ELP4: variants seen among roughly 807,000 people sequenced by gnomAD.
ELP4 encodes elongator complex protein 4.
In ELP4, 51 loss-of-function variants were observed where a neutral mutation model predicts 48.9. The ratio of observed to expected loss-of-function variants is 1.04; its 90% CI spans 0.83 to 1.32. The LOEUF (loss-of-function observed/expected upper bound fraction) is 1.32. Among genes scored for constraint, ELP4 ranks in the 40% most tolerant of loss-of-function variants. ELP4 has a pLI of 0.00. For missense variants in ELP4, 519 were observed against 514.6 expected, an observed-to-expected ratio of 1.01 and a Z score of -0.08; for synonymous variants, 210 against 189.2, an observed-to-expected ratio of 1.11 and a Z score of -0.90.
rs180826374 is a variant in ELP4, at chr11:31,716,006, G to T, written c.1143+65785G>T. On this transcript the variant is annotated intron_variant, in intron 9 of 9. Transcript: ENST00000640961. ...ATGTTAGAGATATGTATTAGTACAA[G>T]GAGGTTTGTTTGTTTGTTTGTTTTT... Among the ~76,000 whole-genome samples the T allele has an allele frequency of 2.5e-3, 385 of 152,200 alleles. 1 individual carries two copies. The highest frequency in any genetic ancestry group is 8.6e-3 in the African/African-American group (359 of 41,538).
chr11:31,712,711 G>T (rs1324618107), intron 9 of ELP4, among the ~76,000 whole-genome samples: 1 of 152,036 alleles, frequency 6.6e-6, no homozygotes, highest in Non-Finnish European at 1.5e-5. Flanking sequence ...AGCACTGGAT[G>T]CTGTCTATTT....
chr11:31,605,662 T>C (rs988516240), intron 5 of ELP4, among the ~76,000 whole-genome samples: 2 of 152,150 alleles, frequency 1.3e-5, no homozygotes, highest in Admixed American at 6.6e-5. Flanking sequence ...CAATACTTTT[T>C]TTTACACCAG....
intron 5 of ELP4, among the ~76,000 whole-genome samples, chr11:31,623,528 A>G (rs1944671555): frequency 6.7e-6 from 1 of 149,822 alleles, no homozygotes; most frequent in Non-Finnish European, 1.5e-5. Context: ...AATTGATAAT[A>G]CCTAAATGTA....
At chr11:31,519,137 ACTAGT>A (rs1357183769) in intron 1 of ELP4, among the ~76,000 whole-genome samples, 1 of 152,108 alleles carries the variant, frequency 6.6e-6, no homozygotes, top group Non-Finnish European at 1.5e-5. Flanking sequence ...TTAAAAGAAC[ACTAGT>A]CTAGTAATAC....
At chr11:31,702,945 A>G (rs1946556467) in intron 9 of ELP4, among the ~76,000 whole-genome samples, 4 of 152,208 alleles carry the variant, frequency 2.6e-5, no homozygotes, top group Admixed American at 2.6e-4. Context: ...AGCACTTAGA[A>G]CAGTTAAATT....
intron 9 of ELP4, among the ~76,000 whole-genome samples, chr11:31,692,250 T>TA (rs1280942950): frequency 2.0e-5 from 3 of 152,124 alleles, no homozygotes; most frequent in Non-Finnish European, 4.4e-5. Flanking sequence ...GCCCAAATAT[T>TA]AGAGTTGGGG....
intron 9 of ELP4, among the ~76,000 whole-genome samples, chr11:31,761,738 A>T (rs982792048): frequency 6.6e-6 from 1 of 152,230 alleles, no homozygotes; most frequent in Non-Finnish European, 1.5e-5. Flanking sequence ...CTTAGTAAAT[A>T]AGGACAGTTG....
At chr11:31,676,871 T>C (rs1166343365) in intron 9 of ELP4, among the ~76,000 whole-genome samples, 1 of 152,232 alleles carries the variant, frequency 6.6e-6, no homozygotes, top group African/African-American at 2.4e-5. Context: ...TGGCCAAGTT[T>C]AGCAAGTTTC....
Position 31,787,445 on chromosome 11 carries a change from G to A in ELP4, c.*3921G>A, listed in dbSNP as rs1173434874. ...GTGGGCCGGAACTGGCTGCCTGACC[G>A]TGGTGGAAATTACAGCCAGCGAGAA... On this transcript the variant is annotated 3_prime_UTR_variant, in exon 10 of 10. Transcript: ENST00000640961. 3 of 233,120 alleles carry A rather than the reference G, an allele frequency of 1.3e-5. No homozygotes were observed. The highest frequency in any genetic ancestry group is 2.5e-5 in the Non-Finnish European group (3 of 118,024). The allele number at this position is 233,120 out of a possible 1,614,324, so 14.4% of individuals were successfully genotyped here.
chr11:31,646,062 G>A (rs948679956), intron 7 of ELP4: 3 of 151,650 alleles, frequency 2.0e-5, no homozygotes, highest in Non-Finnish European at 4.4e-5. Context: ...AATATTGAGA[G>A]GAACATGTTT....
At chr11:31,674,037 G>A (rs1945865434) in intron 9 of ELP4, among the ~76,000 whole-genome samples, 1 of 152,202 alleles carries the variant, frequency 6.6e-6, no homozygotes, top group Admixed American at 6.5e-5. Context: ...CACAGGAAAT[G>A]TAGTGTGTGG....
In ELP4 at chr11:31,783,466, A is replaced by G. The variant is rs185031403; in HGVS notation, c.1217A>G (p.Lys406Arg). The change falls in exon 10 of 10, where the codon AAG (lysine) becomes AGG (arginine). Residue 406 changes from lysine to arginine, a missense_variant. By Grantham distance (26) the Lys-to-Arg change is conservative. Transcript: ENST00000640961. ...SSKMDLAESA[K>R]RLGPGCGMMA... ...AAAATGGATCTGGCAGAATCCGCCA[A>G]GCGGCTGGGCCCAGGCTGTGGCATG... is the stretch of plus-strand genomic sequence containing the variant. 149 of 1,614,160 alleles carry G rather than the reference A, an allele frequency of 9.2e-5. No homozygotes were observed. The African/African-American group carries it at 1.8e-3, about 20-fold the overall frequency.
Position 31,735,412 on chromosome 11 carries a change from C to T in ELP4, c.1144-47981C>T, listed in dbSNP as rs187512761. Among the ~76,000 whole-genome samples the T allele has an allele frequency of 1.9e-3, 283 of 152,252 alleles. 1 individual carries two copies. Among genetic ancestry groups the T allele is most frequent in the Non-Finnish European group, 3.1e-3 (211 of 68,012 alleles). On this transcript the variant is annotated intron_variant, in intron 9 of 9. Coordinates refer to ENST00000640961, the MANE Select transcript of ELP4 (RefSeq NM_019040.5). ...GCTTCTCATTCCCTTTGAAAGCTGG[C>T]ACAAGACAGGGATGCCCTCTCTCAC...
intron 9 of ELP4, among the ~76,000 whole-genome samples, chr11:31,728,585 T>A (rs924243466): frequency 6.6e-6 from 1 of 152,210 alleles, no homozygotes; most frequent in Non-Finnish European, 1.5e-5. Context: ...AAGTAGCATA[T>A]GCTGCAAAAG....
chr11:31,696,207 T>C (rs946454903), intron 9 of ELP4, among the ~76,000 whole-genome samples: 13 of 152,188 alleles, frequency 8.5e-5, no homozygotes, highest in African/African-American at 2.9e-4. Flanking sequence ...TGCCTTCTGC[T>C]AGCTTTTGAA....
At chr11:31,723,122 A>G (rs1947002774) in intron 9 of ELP4, among the ~76,000 whole-genome samples, 2 of 152,196 alleles carry the variant, frequency 1.3e-5, no homozygotes, top group African/African-American at 4.8e-5. Flanking sequence ...TCCATGTCCC[A>G]TCTCAAGATG....
At chr11:31,550,666 A>G (rs1956833293) in intron 3 of ELP4, among the ~76,000 whole-genome samples, 1 of 152,220 alleles carries the variant, frequency 6.6e-6, no homozygotes. Flanking sequence ...ATGATTTTCC[A>G]TCGAAACTCT....
At chr11:31,574,643 A>T (rs908768056) in intron 3 of ELP4, among the ~76,000 whole-genome samples, 2 of 152,212 alleles carry the variant, frequency 1.3e-5, no homozygotes, top group African/African-American at 4.8e-5. Flanking sequence ...GCTGTTCTAC[A>T]GCCTCCACTG....
At chr11:31,600,899 G>A (rs957211715) in intron 4 of ELP4, among the ~76,000 whole-genome samples, 3 of 151,778 alleles carry the variant, frequency 2.0e-5, no homozygotes, top group Admixed American at 6.6e-5. Context: ...TTTTTTTACC[G>A]TTTTCCTCCT....
Sources: gnomAD v4.1 joint callset for allele counts (sites outside exome capture counted in the v4.1 genomes callset) on GRCh38, gnomAD v4.1.1 for gene constraint, MANE v1.5 for transcripts, NCBI Gene and HGNC (gene_info 2026-07-23, HGNC 2026-07-21) for gene names.